DACH1: variants seen among roughly 807,000 people sequenced by gnomAD.
DACH1 encodes the protein dachshund homolog 1.
DACH1 carries 12 observed loss-of-function variants against 54.2 expected under a neutral mutation model. The observed-to-expected ratio is 0.22, with a 90% CI of 0.14 to 0.36. The LOEUF is 0.36. Among genes scored for constraint, DACH1 ranks in the 10% least tolerant of loss-of-function variants. DACH1 has a pLI of 1.00. For synonymous variants in DACH1, 386 were observed against 366.2 expected, an observed-to-expected ratio of 1.05 and a Z score of -0.62; for missense variants, 805 against 929.8, an observed-to-expected ratio of 0.87 and a Z score of 1.75.
chr13:71,767,581 GC>G (rs531472395), intron 1 of DACH1, among the ~76,000 whole-genome samples: 3 of 150,092 alleles, frequency 2.0e-5, no homozygotes, highest in Non-Finnish European at 3.0e-5. Context: ...TTCAAACAAT[GC>G]CCCCCCAAGA....
At chr13:71,444,354 TTG>T (rs1874264082) in intron 10 of DACH1, among the ~76,000 whole-genome samples, 1 of 152,130 alleles carries the variant, frequency 6.6e-6, no homozygotes, top group African/African-American at 2.4e-5. Context: ...CTCTTTTCAA[TTG>T]TCTCATTATT....
intron 1 of DACH1, among the ~76,000 whole-genome samples, chr13:71,777,998 T>G (rs1886135527): frequency 6.6e-6 from 1 of 151,374 alleles, no homozygotes; most frequent in African/African-American, 2.4e-5. Context: ...GTGCCTAGAG[T>G]CCCAGCTACT....
At chr13:71,631,464 C>T (rs960077859) in intron 2 of DACH1, among the ~76,000 whole-genome samples, 1 of 152,130 alleles carries the variant, frequency 6.6e-6, no homozygotes, top group Non-Finnish European at 1.5e-5. Flanking sequence ...GTGAACTACT[C>T]AATGGCAGGA....
chr13:71,767,587 C>T lies in DACH1; in HGVS notation c.849-85677G>A, dbSNP rs114387562. 8.6e-3 allele frequency among the ~76,000 whole-genome samples: 1,304 copies of T among 152,038 alleles called. 27 individuals are homozygous for T. Among genetic ancestry groups the T allele is most frequent in the African/African-American group, 0.03 (1,225 of 41,508 alleles). On this transcript the variant is annotated intron_variant, in intron 1 of 10. Coordinates refer to ENST00000613252, the MANE Select transcript of DACH1 (RefSeq NM_080759.6). ...ATGTTATAGTTCAAACAATGCCCCC[C>T]CAAGACTCCAAATTTATTATAGCAT...
At chr13:71,496,834 C>T (rs1879483974) in intron 6 of DACH1, among the ~76,000 whole-genome samples, 1 of 152,132 alleles carries the variant, frequency 6.6e-6, no homozygotes, top group South Asian at 2.1e-4. Flanking sequence ...TATATCTATG[C>T]TGATGCATAT....
At chr13:71,669,101 T>G (rs1880056196) in intron 2 of DACH1, among the ~76,000 whole-genome samples, 1 of 152,140 alleles carries the variant, frequency 6.6e-6, no homozygotes, top group Non-Finnish European at 1.5e-5. Context: ...ATCATAAAAC[T>G]CTGAATCGGA....
intron 1 of DACH1, among the ~76,000 whole-genome samples, chr13:71,822,666 A>G (rs1185122669): frequency 2.0e-5 from 3 of 152,194 alleles, no homozygotes; most frequent in Non-Finnish European, 4.4e-5. Flanking sequence ...TCAAACCTGA[A>G]TTTGAAATTA....
chr13:71,627,738 T>C (rs1876764137), intron 3 of DACH1, among the ~76,000 whole-genome samples: 2 of 152,024 alleles, frequency 1.3e-5, no homozygotes, highest in Admixed American at 1.3e-4. Context: ...TTGTGATTAT[T>C]TTTGTATTCC....
chr13:71,463,565 C>A lies in DACH1; in HGVS notation c.2083+11576G>T, dbSNP rs867139065. 2.6e-4 allele frequency among the ~76,000 whole-genome samples: 39 copies of A among 152,000 alleles called. No individual in the cohort carries two copies. The Middle Eastern group carries it at 0.017, about 66-fold the overall frequency. On this transcript the variant is annotated intron_variant, in intron 10 of 10. Transcript: ENST00000613252. Reference sequence around the variant, plus strand: ...ACGTAGGAAGCAAGGCGTATGGAGACAAAGGAACTCAAAGATTCTGGATTT... The same window carrying A: ...ACGTAGGAAGCAAGGCGTATGGAGAAAAAGGAACTCAAAGATTCTGGATTT...
chr13:71,770,155 AT>A (rs1885794914), intron 1 of DACH1, among the ~76,000 whole-genome samples: 1 of 151,724 alleles, frequency 6.6e-6, no homozygotes, highest in African/African-American at 2.4e-5. Flanking sequence ...AGTTTAAAAG[AT>A]TATAACCTGA....
At chr13:71,592,404 A>T (rs1873776977) in intron 3 of DACH1, among the ~76,000 whole-genome samples, 1 of 143,754 alleles carries the variant, frequency 7.0e-6, no homozygotes, top group Admixed American at 7.1e-5. Flanking sequence ...TTGAGGTGGG[A>T]GGATCATTTG....
At chr13:71,486,940 G>A (rs1159412674) in intron 7 of DACH1, among the ~76,000 whole-genome samples, 1 of 152,034 alleles carries the variant, frequency 6.6e-6, no homozygotes, top group East Asian at 1.9e-4. Flanking sequence ...CACCTCCCAG[G>A]TTCCAGCAAT....
At chr13:71,803,649 A>T (rs542554184) in intron 1 of DACH1, among the ~76,000 whole-genome samples, 1 of 152,186 alleles carries the variant, frequency 6.6e-6, no homozygotes, top group African/African-American at 2.4e-5. Flanking sequence ...GAAGAAAAAA[A>T]TCATGACCCT....
intron 1 of DACH1, among the ~76,000 whole-genome samples, chr13:71,827,365 C>T (rs1312200514): frequency 6.6e-6 from 1 of 152,094 alleles, no homozygotes; most frequent in East Asian, 1.9e-4. Flanking sequence ...CTAATTATTA[C>T]AACATGGCCT....
chr13:71,813,897 G>A (rs986042970), intron 1 of DACH1, among the ~76,000 whole-genome samples: 3 of 152,186 alleles, frequency 2.0e-5, no homozygotes, highest in Admixed American at 1.3e-4. Context: ...TCTATCCAAT[G>A]TGAAATGCCA....
At chr13:71,728,059 T>C (rs1317134842) in intron 1 of DACH1, among the ~76,000 whole-genome samples, 3 of 152,068 alleles carry the variant, frequency 2.0e-5, no homozygotes, top group South Asian at 4.1e-4. Flanking sequence ...AATTAAAATA[T>C]ATGAATGTAT....
chr13:71,630,171 T>G (rs1876982978), intron 3 of DACH1, among the ~76,000 whole-genome samples: 1 of 152,152 alleles, frequency 6.6e-6, no homozygotes, highest in African/African-American at 2.4e-5. Flanking sequence ...AGTTTCTTAC[T>G]TGATAACAAA....
At chr13:71,608,130 G>A (rs1875024434) in intron 3 of DACH1, among the ~76,000 whole-genome samples, 1 of 151,768 alleles carries the variant, frequency 6.6e-6, no homozygotes. Context: ...AGATAATGCT[G>A]AATTTGCAAG....
At chr13:71,687,091 A>C (rs770301125) in intron 1 of DACH1, among the ~76,000 whole-genome samples, 1 of 152,198 alleles carries the variant, frequency 6.6e-6, no homozygotes, top group Non-Finnish European at 1.5e-5. Context: ...GATCTGCAAG[A>C]GTTCATTGGC....
Sources: allele counts gnomAD v4.1 joint callset (sites outside exome capture counted in the v4.1 genomes callset), GRCh38; gene constraint gnomAD v4.1.1; transcripts MANE v1.5; gene names NCBI Gene and HGNC (gene_info 2026-07-23, HGNC 2026-07-21).